Variants in PSD3 observed in about 807,000 individuals in gnomAD.
The protein encoded by PSD3 is pleckstrin and Sec7 domain containing 3.
Under a neutral mutation model 105.5 loss-of-function variants are expected in PSD3, and 49 were observed. The ratio of observed to expected loss-of-function variants is 0.46; its 90% confidence interval spans 0.37 to 0.59. The LOEUF (loss-of-function observed/expected upper bound fraction) is 0.59. Among genes scored for constraint, PSD3 ranks in the 20% least tolerant of loss-of-function variants. The probability of loss-of-function intolerance (pLI) is 0.00; values close to 1 mark genes in which losing one functional copy is unlikely to be tolerated. For synonymous variants in PSD3, 557 were observed against 457.8 expected (o/e 1.22, Z -2.77); for missense variants, 1,561 against 1,263.8 (o/e 1.24, Z -3.57).
In PSD3 at chr8:18,835,434, T is replaced by C. The variant is rs149790661; in HGVS notation, c.1635-30536A>G. Among the ~76,000 whole-genome samples the C allele has an allele frequency of 3.9e-3, 590 of 152,336 alleles. 3 individuals are homozygous for C. Among genetic ancestry groups the C allele is most frequent in the African/African-American group, 0.013 (545 of 41,570 alleles). On this transcript the variant is annotated intron_variant, in intron 4 of 15. Transcript: ENST00000327040. ...AACTTAGTCTTCCAACTAGTATTTATTGAGTGCCTACTACATACTACATTC... is the reference window on the plus strand; with the variant it reads ...AACTTAGTCTTCCAACTAGTATTTACTGAGTGCCTACTACATACTACATTC...
intron 15 of PSD3, among the ~76,000 whole-genome samples, chr8:18,545,866 G>T (rs192246231): frequency 2.0e-5 from 3 of 152,340 alleles, no homozygotes; most frequent in Admixed American, 2.0e-4. Flanking sequence ...GACAGGGTCA[G>T]TTCTTCCAGG....
At chr8:18,949,595 GA>G (rs1378115094) in intron 1 of PSD3, among the ~76,000 whole-genome samples, 1 of 152,054 alleles carries the variant, frequency 6.6e-6, no homozygotes, top group African/African-American at 2.4e-5. Context: ...AAGAAAATCT[GA>G]AGTCAGGTCA....
chr8:18,741,202 C>T (rs893303846), intron 9 of PSD3, among the ~76,000 whole-genome samples: 1 of 152,118 alleles, frequency 6.6e-6, no homozygotes, highest in African/African-American at 2.4e-5. Context: ...GTCCAGAGAA[C>T]GAGCGAAGCA....
intron 12 of PSD3, among the ~76,000 whole-genome samples, chr8:18,584,785 T>A (rs1803051918): frequency 6.6e-6 from 1 of 152,174 alleles, no homozygotes; most frequent in Non-Finnish European, 1.5e-5. Flanking sequence ...AAATGTCTCT[T>A]CAAAAAGGTG....
chr8:18,854,400 C>T (rs890334915), intron 4 of PSD3: 2 of 152,328 alleles, frequency 1.3e-5, no homozygotes, highest in African/African-American at 4.8e-5. Context: ...AAAGTCCAGA[C>T]CCAATGAAGT....
rs112724215 is a variant in PSD3 at position 18,833,859 on chromosome 8, T to C, written c.1635-28961A>G. On this transcript the variant is annotated intron_variant, in intron 4 of 15. Coordinates refer to ENST00000327040, the MANE Select transcript of PSD3 (RefSeq NM_015310.4). ...ACTGTTGACATGTAAAGCCCAAAAA[T>C]ATTAAGCAAAAAATTACAACTAGTA... Among the ~76,000 whole-genome samples, 264 of 152,024 alleles carry C rather than the reference T, an allele frequency of 1.7e-3. 1 individual carries two copies. Among genetic ancestry groups the C allele is most frequent in the African/African-American group, 6.0e-3 (249 of 41,480 alleles).
At chr8:19,062,162 A>G (rs959066488) in intron 1 of PSD3, among the ~76,000 whole-genome samples, 4 of 152,192 alleles carry the variant, frequency 2.6e-5, no homozygotes, top group Admixed American at 1.3e-4. Flanking sequence ...TGGCTACACA[A>G]TGTATTCCTA....
Position 18,996,487 on chromosome 8 carries a change from T to C in PSD3, c.21+17076A>G, listed in dbSNP as rs146116271. On this transcript the variant is annotated intron_variant, in intron 1 of 15. Coordinates refer to ENST00000327040, the MANE Select transcript of PSD3 (RefSeq NM_015310.4). ...GATGGAGATGGGAAGATAAGGACTT[T>C]ATGTTGAAAAAAATCAACAGCATTA... is the stretch of plus-strand genomic sequence containing the variant. Among the ~76,000 whole-genome samples, 19 of 152,098 alleles carry C rather than the reference T, an allele frequency of 1.2e-4. No individual in the cohort carries two copies. In the East Asian group the frequency reaches 3.7e-3, roughly 29 times the overall value.
chr8:18,773,554 A>C (rs937297004), intron 8 of PSD3, among the ~76,000 whole-genome samples: 1 of 152,150 alleles, frequency 6.6e-6, no homozygotes, highest in Non-Finnish European at 1.5e-5. Flanking sequence ...GAATCTGTAG[A>C]TTACTTTGTA....
chr8:19,083,778 T>A (rs960294739), intron 1 of PSD3, among the ~76,000 whole-genome samples: 6 of 152,138 alleles, frequency 3.9e-5, no homozygotes, highest in African/African-American at 1.2e-4. Flanking sequence ...CACATCTCCA[T>A]CCCCTCATCT....
chr8:18,851,671 C>G (rs1293614023), intron 4 of PSD3, among the ~76,000 whole-genome samples: 1 of 152,230 alleles, frequency 6.6e-6, no homozygotes. Context: ...ATTCCAGACA[C>G]TGTGCCACGG....
chr8:18,579,335 G>A (rs1167204221), intron 12 of PSD3, among the ~76,000 whole-genome samples: 1 of 152,128 alleles, frequency 6.6e-6, no homozygotes, highest in Non-Finnish European at 1.5e-5. Context: ...TATTTGCTGT[G>A]CAAACTAAAT....
At chr8:18,780,525 T>C (rs1309136228) in intron 8 of PSD3, among the ~76,000 whole-genome samples, 1 of 152,076 alleles carries the variant, frequency 6.6e-6, no homozygotes. Flanking sequence ...TGGTTTTCTG[T>C]AGTAGTAACA....
At chr8:18,858,286 T>C (rs1340800502) in intron 4 of PSD3, among the ~76,000 whole-genome samples, 2 of 152,232 alleles carry the variant, frequency 1.3e-5, no homozygotes, top group Non-Finnish European at 1.5e-5. Context: ...GTGTACATAC[T>C]TTCCTTTAAA....
chr8:18,954,001 G>A (rs1335367871), intron 1 of PSD3, among the ~76,000 whole-genome samples: 1 of 152,056 alleles, frequency 6.6e-6, no homozygotes, highest in East Asian at 1.9e-4. Context: ...ATCAAACAGT[G>A]ACACAGGGCT....
intron 12 of PSD3, among the ~76,000 whole-genome samples, chr8:18,595,369 C>G (rs368247318): frequency 6.6e-6 from 1 of 150,936 alleles, no homozygotes; most frequent in Non-Finnish European, 1.5e-5. Context: ...GAGTGTTTCT[C>G]TATCGATAAT....
At chr8:18,570,504 A>T (rs1802060771) in intron 14 of PSD3, among the ~76,000 whole-genome samples, 1 of 148,490 alleles carries the variant, frequency 6.7e-6, no homozygotes, top group South Asian at 2.2e-4. Flanking sequence ...CTGCACAGCA[A>T]AAGAAACTAC....
intron 8 of PSD3, among the ~76,000 whole-genome samples, chr8:18,786,347 T>C (rs1473248769): frequency 6.6e-6 from 1 of 152,230 alleles, no homozygotes; most frequent in African/African-American, 2.4e-5. Flanking sequence ...TTTAAGGAAT[T>C]ATTAAAAACA....
At chr8:18,619,119 A>G (rs1445461221) in intron 11 of PSD3, among the ~76,000 whole-genome samples, 1 of 152,104 alleles carries the variant, frequency 6.6e-6, no homozygotes, top group East Asian at 1.9e-4. Context: ...TATCTAGTGT[A>G]AACAAATAAA....
Sources: allele counts gnomAD v4.1 joint callset (sites outside exome capture counted in the v4.1 genomes callset), GRCh38; gene constraint gnomAD v4.1.1; transcripts MANE v1.5; gene names NCBI Gene and HGNC (gene_info 2026-07-23, HGNC 2026-07-21).